NHSL2: variants seen among roughly 807,000 people sequenced by gnomAD.
The protein encoded by NHSL2 is NHS like 2.
Under a neutral mutation model 53.4 loss-of-function variants are expected in NHSL2, and 27 were observed. The ratio of observed to expected loss-of-function variants is 0.51; its 90% CI spans 0.37 to 0.70. NHSL2 has a LOEUF of 0.70. Ranked by LOEUF, NHSL2 falls within the 30% of genes least tolerant of loss-of-function variation. The probability of loss-of-function intolerance (pLI) is 0.00; values close to 1 mark genes in which losing one functional copy is unlikely to be tolerated. For missense variants in NHSL2, 892 were observed against 980.1 expected (o/e 0.91, Z 1.20); for synonymous variants, 408 against 404.1 (o/e 1.01, Z -0.12).
At chrX:72,069,592 A>AGAG (rs777523790) in intron 1 of NHSL2, 10 of 678,610 alleles carry the variant, frequency 1.5e-5, no homozygotes, top group Admixed American at 1.2e-4. Flanking sequence ...GAGCACAGGC[A>AGAG]GAGGAGGAGG....
intron 1 of NHSL2, among the ~76,000 whole-genome samples, chrX:72,035,295 T>C (rs990201699): frequency 9.0e-6 from 1 of 110,672 alleles, no homozygotes; most frequent in Non-Finnish European, 1.9e-5. Flanking sequence ...TTTAAGTTTA[T>C]TGAGATTTTT....
rs1024673133 is a variant in NHSL2 at position 71,936,382 on chromosome X, C to T, written c.280+25015C>T. Among the ~76,000 whole-genome samples, 3 of 112,108 alleles carry T rather than the reference C, an allele frequency of 2.7e-5. No homozygotes were observed. The Admixed American group carries it at 2.8e-4, about 11-fold the overall frequency. On this transcript the variant is annotated intron_variant, in intron 1 of 7. Coordinates refer to ENST00000633930, the MANE Select transcript of NHSL2 (RefSeq NM_001013627.3). ...GCCAAAAGCTCTCTGAATCTCTAGGCATGTTTCCCATCCAGAAATTTAGGC... is the reference window on the plus strand; with the variant it reads ...GCCAAAAGCTCTCTGAATCTCTAGGTATGTTTCCCATCCAGAAATTTAGGC...
At chrX:71,941,438 G>T (rs997213464) in intron 1 of NHSL2, among the ~76,000 whole-genome samples, 1 of 111,471 alleles carries the variant, frequency 9.0e-6, no homozygotes, top group Non-Finnish European at 1.9e-5. Context: ...AAGCAGAATG[G>T]TTAAGGGGCT....
intron 1 of NHSL2, among the ~76,000 whole-genome samples, chrX:71,995,539 C>A (rs2042046389): frequency 8.9e-6 from 1 of 111,894 alleles, no homozygotes; most frequent in South Asian, 3.7e-4. Flanking sequence ...AAACAGCCTC[C>A]AGGGGCTTTG....
intron 1 of NHSL2, among the ~76,000 whole-genome samples, chrX:71,936,960 A>T (rs2041741778): frequency 9.0e-6 from 1 of 111,689 alleles, no homozygotes; most frequent in Non-Finnish European, 1.9e-5. Flanking sequence ...CAACCCCTTG[A>T]GTTCTAAGTA....
chrX:72,016,028 G>A (rs2042134476), intron 1 of NHSL2, among the ~76,000 whole-genome samples: 1 of 112,019 alleles, frequency 8.9e-6, no homozygotes, highest in African/African-American at 3.2e-5. Flanking sequence ...CTTTTGGGTT[G>A]TGTTTGTGTG....
At chrX:72,119,178 G>A (rs1041684790) in intron 1 of NHSL2, among the ~76,000 whole-genome samples, 1 of 111,322 alleles carries the variant, frequency 9.0e-6, no homozygotes, top group African/African-American at 3.3e-5. Flanking sequence ...GATTACTATA[G>A]CATTGTATAA....
chrX:72,106,809 T>C (rs1241970237), intron 1 of NHSL2, among the ~76,000 whole-genome samples: 1 of 111,688 alleles, frequency 9.0e-6, no homozygotes, highest in Non-Finnish European at 1.9e-5. Context: ...TCATGTCCTT[T>C]GCAGGGACAT....
intron 1 of NHSL2, among the ~76,000 whole-genome samples, chrX:72,092,424 T>C (rs1302166001): frequency 1.8e-5 from 2 of 111,514 alleles, no homozygotes; most frequent in Non-Finnish European, 3.8e-5. Flanking sequence ...AATTGGTCAC[T>C]CCACCTTCTG....
intron 1 of NHSL2, among the ~76,000 whole-genome samples, chrX:72,097,346 C>G (rs1401484976): frequency 8.9e-6 from 1 of 111,893 alleles, no homozygotes; most frequent in Non-Finnish European, 1.9e-5. Flanking sequence ...TCATATTCTG[C>G]AAATTCAGGA....
chrX:72,078,821 G>C (rs189404040), intron 1 of NHSL2, among the ~76,000 whole-genome samples: 1 of 112,279 alleles, frequency 8.9e-6, no homozygotes, highest in Non-Finnish European at 1.9e-5. Flanking sequence ...TATGGCTTCT[G>C]TACCATGCTG....
At chrX:72,045,092 T>G (rs999361094) in intron 1 of NHSL2, among the ~76,000 whole-genome samples, 4 of 111,257 alleles carry the variant, frequency 3.6e-5, no homozygotes, top group African/African-American at 6.6e-5. Context: ...GAAGAGGAGC[T>G]GGAGACAACT....
At chrX:71,972,450 C>T (rs972699121) in intron 1 of NHSL2, among the ~76,000 whole-genome samples, 4 of 112,524 alleles carry the variant, frequency 3.6e-5, no homozygotes, top group African/African-American at 1.3e-4. Context: ...TTCTGCTCTC[C>T]GCTGTTTCTG....
intron 1 of NHSL2, among the ~76,000 whole-genome samples, chrX:71,979,138 A>G (rs2041963146): frequency 1.8e-5 from 2 of 110,160 alleles, no homozygotes; most frequent in South Asian, 3.9e-4. Context: ...TATGTGCCAC[A>G]TTTTCTTAAT....
chrX:72,082,581 A>G (rs1224575850), intron 1 of NHSL2, among the ~76,000 whole-genome samples: 1 of 112,187 alleles, frequency 8.9e-6, no homozygotes, highest in African/African-American at 3.2e-5. Context: ...TAAGTCATAC[A>G]TAGTTAGGAA....
intron 1 of NHSL2, among the ~76,000 whole-genome samples, chrX:72,021,264 G>T (rs2042159021): frequency 8.9e-6 from 1 of 112,235 alleles, no homozygotes; most frequent in Non-Finnish European, 1.9e-5. Context: ...AGACATTTTT[G>T]CCCTGGCTCT....
At chrX:71,985,259 G>A (rs1333035769) in intron 1 of NHSL2, among the ~76,000 whole-genome samples, 1 of 111,685 alleles carries the variant, frequency 9.0e-6, no homozygotes, top group Non-Finnish European at 1.9e-5. Context: ...GGGCTCCTGG[G>A]CCTGTCAGAA....
At chrX:71,913,516 A>G (rs776496918) in intron 1 of NHSL2, among the ~76,000 whole-genome samples, 8 of 111,988 alleles carry the variant, frequency 7.1e-5, no homozygotes, top group Non-Finnish European at 1.5e-4. Flanking sequence ...TTTCTTCCCT[A>G]TGCGTTTTCC....
chrX:72,001,388 C>T (rs971951724), intron 1 of NHSL2, among the ~76,000 whole-genome samples: 4 of 111,191 alleles, frequency 3.6e-5, no homozygotes, highest in African/African-American at 1.3e-4. Context: ...TTTATTTGTT[C>T]TTCTCATAGA....
Sources: allele counts gnomAD v4.1 joint callset (sites outside exome capture counted in the v4.1 genomes callset), GRCh38; gene constraint gnomAD v4.1.1; transcripts MANE v1.5; gene names NCBI Gene and HGNC (gene_info 2026-07-23, HGNC 2026-07-21).